LMAN1L: variants seen among roughly 807,000 people sequenced by gnomAD.
LMAN1L encodes lectin, mannose binding 1 like.
A neutral mutation model predicts 58.3 loss-of-function variants in LMAN1L; 60 were observed. The observed-to-expected ratio is 1.03, with a 90% CI of 0.84 to 1.27. The LOEUF (loss-of-function observed/expected upper bound fraction) is 1.27. LMAN1L is among the 50% of genes most tolerant of loss of function. LMAN1L has a pLI of 0.00. For synonymous variants in LMAN1L, 280 were observed against 271.6 expected (o/e 1.03, Z -0.31); for missense variants, 629 against 674.0 (o/e 0.93, Z 0.74).
chr15:74,817,441 C>T (rs2063896976), intron 4 of LMAN1L, among the ~76,000 whole-genome samples: 1 of 152,240 alleles, frequency 6.6e-6, no homozygotes, highest in Non-Finnish European at 1.5e-5. Flanking sequence ...TGGCTTCTCC[C>T]CTGCCCTGTG....
chr15:74,820,912 G>A (rs2063913627), intron 8 of LMAN1L, 145 bp downstream of exon 8: 2 of 1,356,724 alleles, frequency 1.5e-6, no homozygotes, highest in Admixed American at 5.3e-5. Context: ...AGTGTTCTGT[G>A]CTATCCCCAC....
chr15:74,820,066 C>G lies in LMAN1L; in HGVS notation c.741C>G (p.Phe247Leu), dbSNP rs763013100. ...CAGATGATCATGATGTCCTGTCCTT[C>G]CTGACCTTCAGCCTGAGTGAGCCCA... ...TLADDHDVLS[F>L]LTFSLSEPSP... is the part of the protein sequence containing the mutation. Residue 247 changes from phenylalanine to leucine, a missense_variant, in exon 7 of 14, where the codon TTC becomes TTG. This residue lies in a region of LMAN1L where 573 missense variants were observed against 597.3 expected (regional missense o/e 0.96). Transcript: ENST00000309664. 2 of 1,614,166 alleles carry G rather than the reference C, an allele frequency of 1.2e-6. No homozygotes were observed. Among genetic ancestry groups the G allele is most frequent in the Non-Finnish European group, 1.7e-6 (2 of 1,179,996 alleles).
chr15:74,813,402 C>A (rs759637808), intron 1 of LMAN1L: 1 of 464,208 alleles, frequency 2.2e-6, no homozygotes, highest in Non-Finnish European at 4.3e-6. Flanking sequence ...AACCTCCACT[C>A]TCCCGGCTCC....
intron 13 of LMAN1L, 55 bp downstream of exon 13, chr15:74,824,533 G>C: frequency 1.2e-6 from 2 of 1,603,070 alleles, no homozygotes; most frequent in African/African-American, 1.3e-5. Flanking sequence ...TTGGTTCTCA[G>C]CTATAACCAT....
intron 6 of LMAN1L, chr15:74,819,648 C>T: frequency 2.1e-6 from 1 of 469,598 alleles, no homozygotes; most frequent in Non-Finnish European, 3.8e-6. Context: ...AATGCCAGGA[C>T]CTTGGTCTGG....
intron 4 of LMAN1L, among the ~76,000 whole-genome samples, chr15:74,817,942 G>A (rs572494014): frequency 6.6e-6 from 1 of 151,888 alleles, no homozygotes; most frequent in Non-Finnish European, 1.5e-5. Context: ...GAACCCAGGA[G>A]GCAAAGGTTG....
In LMAN1L at chr15:74,816,327, C is replaced by T. The variant is rs780401831; in HGVS notation, c.330+16C>T. The T allele has an allele frequency of 6.8e-6, 11 of 1,610,536 alleles. No individual in the cohort carries two copies. The highest frequency in any genetic ancestry group is 1.7e-4 in the Middle Eastern group (1 of 6,056). ...CCAGGGCATGGTGAGTGTCCTCTCC[C>T]AGAGCTGACAGAGCGGGGTGGGTCA... On this transcript the variant is annotated intron_variant, in intron 2 of 13. Transcript: ENST00000309664.
chr15:74,820,957 T>G (rs1296503667), intron 8 of LMAN1L, 118 bp from the exon 9 acceptor site: 2 of 1,360,608 alleles, frequency 1.5e-6, no homozygotes, highest in African/African-American at 2.9e-5. Context: ...GGAGAGGGTC[T>G]TGGAGGCAGC....
Position 74,816,541 on chromosome 15 carries a change from A to G in LMAN1L, c.438+7A>G. The stretch of plus-strand genomic sequence containing the variant: ...TCCGGCAGAGGATACTCAGGTGCGT[A>G]GTGGTCTCCTGCCTGCCAGCCCGCC... On this transcript the variant is annotated splice_region_variant and intron_variant, in intron 3 of 13. Transcript: ENST00000309664. The G allele has an allele frequency of 6.4e-7, 1 of 1,572,028 alleles. No individual in the cohort carries two copies. The highest frequency in any genetic ancestry group is 8.6e-7 in the Non-Finnish European group (1 of 1,156,752).
At position 74,819,204 on chromosome 15, in the gene LMAN1L, A is replaced by G. The variant is rs746431999; in HGVS notation, c.650A>G (p.Asp217Gly). Residue 217 changes from aspartate (D) to glycine (G), a missense_variant, in exon 6 of 14, where the codon GAT becomes GGT. By Grantham distance (94) the Asp-to-Gly change is moderately conservative (BLOSUM62 -1). Around this residue, in one of 3 missense-constraint regions of LMAN1L, gnomAD observed 573 missense variants for 597.3 expected, o/e 0.96. Transcript: ENST00000309664. ...AGTGATCCAGGTGAGTTCTGTGTGG[A>G]TGTGGGGCCCCTGCTTTTGGTCCCT... ...TPSDPGEFCV[D>G]VGPLLLVPGG... 13 of 1,614,106 alleles carry G rather than the reference A, an allele frequency of 8.1e-6. No individual in the cohort carries two copies. In the Admixed American group the frequency reaches 2.2e-4, roughly 27 times the overall value.
At chr15:74,816,081 G>A in intron 1 of LMAN1L, 76 bp from the exon 2 acceptor site, 1 of 1,484,078 alleles carries the variant, frequency 6.7e-7, no homozygotes, top group Admixed American at 2.1e-5. Context: ...CGGGAGCCCA[G>A]CCCGGGCCAA....
At position 74,820,622 on chromosome 15, in the gene LMAN1L, C is replaced by G; in HGVS notation, c.775-13C>G. ...ATGGGTTTGGGGCCCGACTTTCTGT[C>G]TTCCTCCCCTAGGTTCCCCCTCAGC... On this transcript the variant is annotated splice_polypyrimidine_tract_variant and intron_variant, in intron 7 of 13. Transcript: ENST00000309664. 1 of 1,613,370 alleles carries G rather than the reference C, an allele frequency of 6.2e-7. No homozygotes were observed. The highest frequency in any genetic ancestry group is 8.5e-7 in the Non-Finnish European group (1 of 1,179,958).
rs1307531915 is a variant in LMAN1L at position 74,818,799 on chromosome 15, C to G, written c.579C>G (p.Tyr193Ter). Reference protein sequence around the residue: ...RPHPFRARITYWGQRLRMSLN... With the variant: ...RPHPFRARIT ...ACCCCTTCAGAGCACGGATCACCTACTGGGGGCAGAGGCTGCGCGTGAGTC... is the reference window on the plus strand; with the variant it reads ...ACCCCTTCAGAGCACGGATCACCTAGTGGGGGCAGAGGCTGCGCGTGAGTC... Residue 193 changes from tyrosine to a stop codon, truncating the protein, a stop_gained, in exon 5 of 14, where the codon TAC (tyrosine) becomes TAG (stop). Coordinates refer to ENST00000309664, the MANE Select transcript of LMAN1L (RefSeq NM_021819.3). LOFTEE classifies it high-confidence loss of function. 1.9e-6 allele frequency: 3 copies of G among 1,610,454 alleles called. No individual in the cohort carries two copies. Among genetic ancestry groups the G allele is most frequent in the Non-Finnish European group, 2.5e-6 (3 of 1,178,694 alleles).
intron 1 of LMAN1L, 133 bp from the exon 2 acceptor site, chr15:74,816,024 C>G: frequency 1.7e-6 from 2 of 1,157,918 alleles, no homozygotes; most frequent in Non-Finnish European, 2.4e-6. Context: ...GCTTCCCTGG[C>G]TGGCCGCTTA....
chr15:74,815,217 A>C (rs1242847217), intron 1 of LMAN1L, among the ~76,000 whole-genome samples: 5 of 152,196 alleles, frequency 3.3e-5, no homozygotes, highest in Admixed American at 6.5e-5. Context: ...GACAGCTTCC[A>C]GAGGCCCTGG....
chr15:74,820,118 T>A lies in LMAN1L; in HGVS notation c.774+19T>A, dbSNP rs115735578. On this transcript the variant is annotated intron_variant, in intron 7 of 13. Transcript: ENST00000309664. ...CCCAGAGGTGATGCCAGCCCTGGCC[T>A]ACCTGGGAATGGCAGCCCAGGGACC... The A allele has an allele frequency of 4.2e-4, 672 of 1,610,390 alleles. No individual in the cohort carries two copies. In the African/African-American group the frequency reaches 8.3e-3, roughly 20 times the overall value.
At chr15:74,822,448 AGGG>A (rs1220517151) in intron 10 of LMAN1L, among the ~76,000 whole-genome samples, 191 bp from the exon 11 acceptor site, 1 of 152,062 alleles carries the variant, frequency 6.6e-6, no homozygotes, top group African/African-American at 2.4e-5. Flanking sequence ...CCCTGGGGAG[AGGG>A]GCGTGAGTGG....
chr15:74,823,564 C>T lies in LMAN1L; in HGVS notation c.1205C>T (p.Ala402Val). 1 of 1,613,770 alleles carries T rather than the reference C, an allele frequency of 6.2e-7. No homozygotes were observed. The highest frequency in any genetic ancestry group is 2.2e-5 in the East Asian group (1 of 44,874). ...TGGTTACCACCCCCGGTTAGGGATG[C>T]AGCTGTCCGCATGGCTGCAGAAGCC... ...LLQALQEMRDAAVRMAAEAQV... is the reference protein window; with the variant it reads ...LLQALQEMRDVAVRMAAEAQV... The change falls in exon 12 of 14, where the codon GCA becomes GTA. Residue 402 changes from alanine to valine, a missense_variant. Transcript: ENST00000309664.
At chr15:74,822,794 C>T in intron 11 of LMAN1L, 85 bp downstream of exon 11, 2 of 1,014,472 alleles carry the variant, frequency 2.0e-6, no homozygotes, top group South Asian at 1.3e-5. Context: ...TCCATCATTT[C>T]CTGAGCGCCC....
Sources: allele counts gnomAD v4.1 joint callset (sites outside exome capture counted in the v4.1 genomes callset), GRCh38; gene constraint gnomAD v4.1.1; regional missense constraint gnomAD v4.1.1; transcripts MANE v1.5; gene names NCBI Gene and HGNC (gene_info 2026-07-23, HGNC 2026-07-21).